The following ERBB4 variants were observed in gnomAD, a reference collection of about 807,000 sequenced individuals.
ERBB4 encodes the protein erb-b2 receptor tyrosine kinase 4.
Under a neutral mutation model 158.0 loss-of-function variants are expected in ERBB4, and 42 were observed. The observed-to-expected ratio is 0.27, with a 90% CI of 0.21 to 0.34. ERBB4 has a LOEUF of 0.34. Among genes scored for constraint, ERBB4 ranks in the 10% least tolerant of loss-of-function variants. The probability of loss-of-function intolerance (pLI) is 1.00; values close to 1 mark genes in which losing one functional copy is unlikely to be tolerated. For synonymous variants in ERBB4, 583 were observed against 558.7 expected, an observed-to-expected ratio of 1.04 and a Z score of -0.61; for missense variants, 1,333 against 1,624.1, an observed-to-expected ratio of 0.82 and a Z score of 3.08.
At chr2:212,104,925 C>T (rs1443339499) in intron 2 of ERBB4, among the ~76,000 whole-genome samples, 6 of 152,094 alleles carry the variant, frequency 3.9e-5, no homozygotes, top group Non-Finnish European at 1.5e-5. Flanking sequence ...GCATTCTTAT[C>T]CTAAACAAGA....
intron 2 of ERBB4, among the ~76,000 whole-genome samples, chr2:212,042,087 C>A (rs930295769): frequency 6.6e-6 from 1 of 151,966 alleles, no homozygotes; most frequent in African/African-American, 2.4e-5. Context: ...CCTACCCCAC[C>A]CAAAACAAAG....
rs113939845 is a variant in ERBB4, at chr2:212,140,313, A to G, written c.83-15410T>C. Among the ~76,000 whole-genome samples, 330 of 149,546 alleles carry G rather than the reference A, an allele frequency of 2.2e-3. 1 individual carries two copies. The highest frequency in any genetic ancestry group is 7.5e-3 in the African/African-American group (307 of 40,988). The stretch of plus-strand genomic sequence containing the variant: ...GAAGAAAAAACAATAATATGTTGCA[A>G]ATGGTTTTCTCTGATCAATAGATTT... On this transcript the variant is annotated intron_variant, in intron 1 of 27. Transcript: ENST00000342788.
chr2:211,652,783 T>G (rs1038664564), intron 16 of ERBB4, among the ~76,000 whole-genome samples: 1 of 152,206 alleles, frequency 6.6e-6, no homozygotes, highest in Admixed American at 6.5e-5. Context: ...AGCAAGTAAC[T>G]AGATAAAAAT....
At chr2:212,182,097 C>G (rs1317466161) in intron 1 of ERBB4, among the ~76,000 whole-genome samples, 1 of 151,730 alleles carries the variant, frequency 6.6e-6, no homozygotes, top group African/African-American at 2.4e-5. Flanking sequence ...ATAGATGTAT[C>G]ATAATAATAG....
chr2:212,421,723 T>G (rs921386574), intron 1 of ERBB4, among the ~76,000 whole-genome samples: 2 of 152,166 alleles, frequency 1.3e-5, no homozygotes, highest in African/African-American at 4.8e-5. Flanking sequence ...TTTGAAGACA[T>G]GAAAAATGGT....
rs866287578 is a variant in ERBB4 at position 211,984,421 on chromosome 2, A to G, written c.235-36805T>C. Among the ~76,000 whole-genome samples the G allele has an allele frequency of 1.2e-4, 18 of 152,286 alleles. No homozygotes were observed. In the South Asian group the frequency reaches 1.7e-3, roughly 14 times the overall value. ...GCATATTATGCTCTGAAAATTGCAT[A>G]ATTTACAGTATTATAATAAGCCATT... On this transcript the variant is annotated intron_variant, in intron 2 of 27. Transcript: ENST00000342788.
At chr2:212,079,363 C>T (rs1007346664) in intron 2 of ERBB4, among the ~76,000 whole-genome samples, 3 of 151,896 alleles carry the variant, frequency 2.0e-5, no homozygotes, top group African/African-American at 4.8e-5. Flanking sequence ...AATGAATTCA[C>T]GATAGCTAAA....
chr2:211,769,958 G>C (rs2075650130), intron 4 of ERBB4, among the ~76,000 whole-genome samples: 1 of 152,060 alleles, frequency 6.6e-6, no homozygotes, highest in African/African-American at 2.4e-5. Context: ...GACACAACCA[G>C]GAAAAATACT....
intron 15 of ERBB4, among the ~76,000 whole-genome samples, chr2:211,663,894 T>C (rs1574946953): frequency 6.6e-6 from 1 of 152,218 alleles, no homozygotes; most frequent in Non-Finnish European, 1.5e-5. Context: ...GCAGAACCAG[T>C]TGTTTTTTTT....
chr2:212,478,302 C>T (rs998787232), intron 1 of ERBB4, among the ~76,000 whole-genome samples: 6 of 151,982 alleles, frequency 3.9e-5, no homozygotes, highest in South Asian at 2.1e-4. Context: ...TCATTTATAA[C>T]GGGGAGAATT....
At chr2:211,494,014 C>T (rs2065409246) in intron 20 of ERBB4, among the ~76,000 whole-genome samples, 1 of 152,056 alleles carries the variant, frequency 6.6e-6, no homozygotes, top group African/African-American at 2.4e-5. Flanking sequence ...TTTTGGGCTA[C>T]CCAGCCTTAT....
intron 3 of ERBB4, among the ~76,000 whole-genome samples, chr2:211,914,737 C>T (rs2079640366): frequency 6.6e-6 from 1 of 152,040 alleles, no homozygotes; most frequent in South Asian, 2.1e-4. Context: ...TTTACCTAAA[C>T]AAATATAAGC....
intron 3 of ERBB4, among the ~76,000 whole-genome samples, chr2:211,899,572 T>G (rs1475338829): frequency 6.6e-6 from 1 of 152,102 alleles, no homozygotes; most frequent in Non-Finnish European, 1.5e-5. Context: ...ACCTGTAAAA[T>G]TAGACAGTAC....
intron 1 of ERBB4, among the ~76,000 whole-genome samples, chr2:212,189,600 T>A (rs1403060781): frequency 6.6e-6 from 1 of 152,200 alleles, no homozygotes; most frequent in Non-Finnish European, 1.5e-5. Flanking sequence ...CACCCCAAAT[T>A]ATAAACAAGT....
intron 2 of ERBB4, among the ~76,000 whole-genome samples, chr2:212,124,032 C>A (rs960925148): frequency 6.6e-6 from 1 of 152,048 alleles, no homozygotes; most frequent in Non-Finnish European, 1.5e-5. Flanking sequence ...TGTCAAAGGC[C>A]CCTTCAAGTT....
At chr2:212,120,090 G>C (rs1191785881) in intron 2 of ERBB4, among the ~76,000 whole-genome samples, 1 of 152,156 alleles carries the variant, frequency 6.6e-6, no homozygotes, top group Non-Finnish European at 1.5e-5. Flanking sequence ...ATCAGAAGTA[G>C]TGTAGGAAAC....
chr2:212,299,507 T>C (rs1429898982), intron 1 of ERBB4, among the ~76,000 whole-genome samples: 1 of 151,684 alleles, frequency 6.6e-6, no homozygotes, highest in African/African-American at 2.4e-5. Context: ...CCACGAATAT[T>C]TGAGTGTCGA....
intron 20 of ERBB4, among the ~76,000 whole-genome samples, chr2:211,460,247 CTTTT>C (rs923188079): frequency 4.6e-5 from 7 of 151,820 alleles, no homozygotes; most frequent in Non-Finnish European, 7.4e-5. Flanking sequence ...AAGTCAAATG[CTTTT>C]TTTTATGATT....
At chr2:212,489,222 T>C (rs900979711) in intron 1 of ERBB4, among the ~76,000 whole-genome samples, 1 of 151,922 alleles carries the variant, frequency 6.6e-6, no homozygotes, top group African/African-American at 2.4e-5. Flanking sequence ...AGATATTTTC[T>C]TAAGAGTAGA....
Sources: gnomAD v4.1 joint callset for allele counts (sites outside exome capture counted in the v4.1 genomes callset) on GRCh38, gnomAD v4.1.1 for gene constraint, MANE v1.5 for transcripts, NCBI Gene and HGNC (gene_info 2026-07-23, HGNC 2026-07-21) for gene names.